Variants in SLIT2 observed in about 807,000 individuals in gnomAD.
The protein encoded by SLIT2 is slit homolog 2 protein.
In SLIT2, 41 loss-of-function variants were observed where a neutral mutation model predicts 185.7. The observed-to-expected ratio is 0.22, with a 90% CI of 0.17 to 0.29. SLIT2 has a LOEUF of 0.29. SLIT2 is among the 10% of genes least tolerant of loss of function. SLIT2 has a pLI of 1.00. For synonymous variants in SLIT2, 693 were observed against 680.2 expected, an observed-to-expected ratio of 1.02 and a Z score of -0.29; for missense variants, 1,571 against 1,909.0, an observed-to-expected ratio of 0.82 and a Z score of 3.30.
intron 4 of SLIT2, among the ~76,000 whole-genome samples, chr4:20,400,760 A>G (rs2109397043): frequency 6.6e-6 from 1 of 151,948 alleles, no homozygotes; most frequent in African/African-American, 2.4e-5. Flanking sequence ...GGAGGAACTA[A>G]TAAAGGAAGC....
rs575288595 is a variant in SLIT2, at chr4:20,562,597, T to C, written c.2726-4665T>C. On this transcript the variant is annotated intron_variant, in intron 26 of 36. Coordinates refer to ENST00000504154, the MANE Select transcript of SLIT2 (RefSeq NM_004787.4). The stretch of plus-strand genomic sequence containing the variant: ...GAAATTCAGGCATTTCACTTGTCTT[T>C]GGTCTCTGAAAATCTGGCCTAGTCC... Among the ~76,000 whole-genome samples the C allele has an allele frequency of 3.9e-5, 6 of 151,922 alleles. No individual in the cohort carries two copies. The South Asian group carries it at 1.2e-3, about 31-fold the overall frequency.
Position 20,379,221 on chromosome 4 carries a change from A to T in SLIT2, c.396-88531A>T, listed in dbSNP as rs1724283618. Among the ~76,000 whole-genome samples the T allele has an allele frequency of 2.0e-5, 3 of 152,078 alleles. No individual in the cohort carries two copies. The South Asian group carries it at 6.2e-4, about 32-fold the overall frequency. On this transcript the variant is annotated intron_variant, in intron 4 of 36. Coordinates refer to ENST00000504154, the MANE Select transcript of SLIT2 (RefSeq NM_004787.4). ...AGTTGTAATAAAGATACTACTCTGCATGGGGATATTGATGGCATAAGAAGC... is the reference window on the plus strand; with the variant it reads ...AGTTGTAATAAAGATACTACTCTGCTTGGGGATATTGATGGCATAAGAAGC...
In SLIT2 at chr4:20,336,852, C is replaced by T. The variant is rs539815271; in HGVS notation, c.395+67971C>T. 1.6e-4 allele frequency among the ~76,000 whole-genome samples: 25 copies of T among 152,186 alleles called. No homozygotes were observed. The South Asian group carries it at 1.9e-3, about 11-fold the overall frequency. Reference sequence around the variant, plus strand: ...CAGTCATTACCATGGTCATTTGAACCGCATTTGCAACATTTTAATTTTAAA... The same window carrying T: ...CAGTCATTACCATGGTCATTTGAACTGCATTTGCAACATTTTAATTTTAAA... On this transcript the variant is annotated intron_variant, in intron 4 of 36. Transcript: ENST00000504154.
chr4:20,381,899 TAATACATATGTATTTGTATA>T (rs76918610), intron 4 of SLIT2, among the ~76,000 whole-genome samples: 11,547 of 151,872 alleles, frequency 0.076, 590 homozygotes, highest in South Asian at 0.17. Flanking sequence ...CATAAATACA[TAATACATATGTATTTGTATA>T]AATACATATG....
At chr4:20,591,458 A>G (rs1185400220) in intron 30 of SLIT2, among the ~76,000 whole-genome samples, 1 of 152,108 alleles carries the variant, frequency 6.6e-6, no homozygotes, top group Non-Finnish European at 1.5e-5. Context: ...AAAAATGTAG[A>G]ATATGTAGGT....
At chr4:20,415,329 T>A (rs1034010169) in intron 4 of SLIT2, among the ~76,000 whole-genome samples, 16 of 136,702 alleles carry the variant, frequency 1.2e-4, no homozygotes, top group South Asian at 2.2e-4. Context: ...GAGAATTGTG[T>A]GAAGCCAGGA....
intron 29 of SLIT2, among the ~76,000 whole-genome samples, chr4:20,583,748 G>T (rs1193975145): frequency 6.6e-6 from 1 of 151,972 alleles, no homozygotes; most frequent in African/African-American, 2.4e-5. Context: ...GGCAGAGGTT[G>T]CAGTGAGCCA....
intron 5 of SLIT2, among the ~76,000 whole-genome samples, chr4:20,469,751 CTTTTTT>C (rs33912349): frequency 1.4e-4 from 13 of 90,764 alleles, no homozygotes; most frequent in South Asian, 4.1e-4. Flanking sequence ...TTAGTTTTTA[CTTTTTT>C]TTTTTTTTTT....
intron 33 of SLIT2, among the ~76,000 whole-genome samples, chr4:20,604,366 T>C (rs1163047732): frequency 6.6e-6 from 1 of 152,238 alleles, no homozygotes; most frequent in Non-Finnish European, 1.5e-5. Flanking sequence ...CTTTTCTTTT[T>C]GGAGACAGAG....
chr4:20,319,216 A>G (rs1201731247), intron 4 of SLIT2, among the ~76,000 whole-genome samples: 1 of 152,178 alleles, frequency 6.6e-6, no homozygotes, highest in Non-Finnish European at 1.5e-5. Context: ...TGGACTATCT[A>G]TTTAAATTAG....
chr4:20,442,788 A>G (rs993003342), intron 4 of SLIT2, among the ~76,000 whole-genome samples: 1 of 152,144 alleles, frequency 6.6e-6, no homozygotes, highest in Admixed American at 6.5e-5. Context: ...ATTGCCAGCA[A>G]ACTCTATGGA....
At chr4:20,318,615 CAAAT>C (rs1279262804) in intron 4 of SLIT2, among the ~76,000 whole-genome samples, 4 of 151,166 alleles carry the variant, frequency 2.6e-5, no homozygotes, top group African/African-American at 7.3e-5. Flanking sequence ...GCAAATGTCT[CAAAT>C]AAAGCTGTAC....
At chr4:20,276,228 T>C (rs1186218989) in intron 4 of SLIT2, among the ~76,000 whole-genome samples, 2 of 152,198 alleles carry the variant, frequency 1.3e-5, no homozygotes, top group African/African-American at 2.4e-5. Flanking sequence ...CGTTTTGTTT[T>C]GTTCTTTTTT....
chr4:20,267,461 T>C (rs763672522), intron 3 of SLIT2, among the ~76,000 whole-genome samples: 3 of 151,932 alleles, frequency 2.0e-5, no homozygotes, highest in Admixed American at 6.6e-5. Context: ...TATGGTGCCA[T>C]CATTGCTTCA....
At chr4:20,278,218 G>A (rs750057521) in intron 4 of SLIT2, among the ~76,000 whole-genome samples, 29 of 150,934 alleles carry the variant, frequency 1.9e-4, no homozygotes, top group Non-Finnish European at 3.7e-4. Flanking sequence ...AAACAGAAAT[G>A]CTTATCTGTT....
intron 4 of SLIT2, among the ~76,000 whole-genome samples, chr4:20,400,226 G>A (rs1044275830): frequency 2.0e-5 from 3 of 151,714 alleles, no homozygotes; most frequent in Non-Finnish European, 4.4e-5. Flanking sequence ...TGACTGATAT[G>A]GTCAGAGTAT....
intron 4 of SLIT2, among the ~76,000 whole-genome samples, chr4:20,365,478 A>G (rs1723045960): frequency 6.6e-6 from 1 of 152,160 alleles, no homozygotes; most frequent in South Asian, 2.1e-4. Flanking sequence ...CAAGCAAAAA[A>G]GAGATGTGGA....
At chr4:20,285,170 G>A (rs1487736782) in intron 4 of SLIT2, among the ~76,000 whole-genome samples, 2 of 152,222 alleles carry the variant, frequency 1.3e-5, no homozygotes, top group East Asian at 3.8e-4. Context: ...TGTGAATCAT[G>A]ACAGCTCAGC....
intron 29 of SLIT2, among the ~76,000 whole-genome samples, chr4:20,588,814 T>C (rs950482838): frequency 1.3e-5 from 2 of 152,228 alleles, no homozygotes; most frequent in Non-Finnish European, 2.9e-5. Context: ...TGCGTGGTTA[T>C]GCCTTCAGCT....
Sources: gnomAD v4.1 joint callset for allele counts (sites outside exome capture counted in the v4.1 genomes callset) on GRCh38, gnomAD v4.1.1 for gene constraint, MANE v1.5 for transcripts, NCBI Gene and HGNC (gene_info 2026-07-23, HGNC 2026-07-21) for gene names.